The following ADGRB3 variants were observed in gnomAD, a reference collection of about 807,000 sequenced individuals.
ADGRB3 encodes adhesion G protein-coupled receptor B3.
In ADGRB3, 37 loss-of-function variants were observed where a neutral mutation model predicts 193.4. The ratio of observed to expected loss-of-function variants is 0.19; its 90% CI spans 0.15 to 0.25. The LOEUF (loss-of-function observed/expected upper bound fraction) is 0.25. ADGRB3 is among the 10% of genes least tolerant of loss of function. The pLI, the probability that ADGRB3 is intolerant of heterozygous loss-of-function variation, is 1.00. For missense variants in ADGRB3, 1,637 were observed against 1,852.9 expected (o/e 0.88, Z 2.14); for synonymous variants, 690 against 644.2 (o/e 1.07, Z -1.08).
At chr6:69,167,015 A>AACATTTTGT (rs1775146146) in intron 17 of ADGRB3, among the ~76,000 whole-genome samples, 1 of 152,180 alleles carries the variant, frequency 6.6e-6, no homozygotes, top group Non-Finnish European at 1.5e-5. Context: ...TTCCTTTAAG[A>AACATTTTGT]ACATTTTGTA....
At chr6:69,243,328 G>A (rs986716864) in intron 20 of ADGRB3, among the ~76,000 whole-genome samples, 2 of 151,930 alleles carry the variant, frequency 1.3e-5, no homozygotes, top group African/African-American at 4.8e-5. Context: ...GAGGGCCTAG[G>A]TCTTTGACCT....
intron 17 of ADGRB3, among the ~76,000 whole-genome samples, chr6:69,227,401 G>C (rs1766042529): frequency 6.6e-6 from 1 of 152,122 alleles, no homozygotes; most frequent in South Asian, 2.1e-4. Context: ...GTTTTCAAAG[G>C]AGTGACATGA....
intron 17 of ADGRB3, among the ~76,000 whole-genome samples, chr6:69,091,095 T>C (rs1401729536): frequency 1.3e-5 from 2 of 152,136 alleles, no homozygotes; most frequent in Non-Finnish European, 2.9e-5. Context: ...TGAGACACCA[T>C]CTAACATCAG....
chr6:68,975,003 G>T, intron 9 of ADGRB3, 139 bp downstream of exon 9: 5 of 767,468 alleles, frequency 6.5e-6, no homozygotes, highest in Admixed American at 5.8e-5. Context: ...AACAATTTTA[G>T]TAAAGTGCTT....
intron 17 of ADGRB3, among the ~76,000 whole-genome samples, chr6:69,161,010 T>A (rs919466538): frequency 7.9e-5 from 12 of 152,112 alleles, no homozygotes; most frequent in African/African-American, 2.7e-4. Flanking sequence ...GTTACTAGTA[T>A]GGTAACTGAT....
intron 20 of ADGRB3, among the ~76,000 whole-genome samples, chr6:69,250,856 A>T (rs1766603923): frequency 6.6e-6 from 1 of 152,210 alleles, no homozygotes; most frequent in East Asian, 1.9e-4. Flanking sequence ...TGTCTGTTTA[A>T]AACCCTTTGG....
intron 8 of ADGRB3, among the ~76,000 whole-genome samples, chr6:68,961,661 A>G (rs1343773077): frequency 6.6e-6 from 1 of 152,196 alleles, no homozygotes; most frequent in African/African-American, 2.4e-5. Context: ...TGTAATCATT[A>G]TTAGAAACCC....
At chr6:69,244,204 C>T (rs1439257269) in intron 20 of ADGRB3, among the ~76,000 whole-genome samples, 3 of 151,944 alleles carry the variant, frequency 2.0e-5, no homozygotes, top group Admixed American at 6.6e-5. Flanking sequence ...TTTTAAAAGT[C>T]CCGTTCTCTA....
At position 68,853,431 on chromosome 6, in the gene ADGRB3, C is replaced by T. The variant is rs555477964; in HGVS notation, c.758-77128C>T. Among the ~76,000 whole-genome samples the T allele has an allele frequency of 1.4e-4, 22 of 151,992 alleles. 2 individuals carry two copies. The highest frequency in any genetic ancestry group is 2.7e-4 in the Non-Finnish European group (18 of 67,884). On this transcript the variant is annotated intron_variant, in intron 3 of 31. Coordinates refer to ENST00000370598, the MANE Select transcript of ADGRB3 (RefSeq NM_001704.3). ...CAAACCATTTAATAATGCTTTTCAT[C>T]CTGTAGTGATTCTTAGCTGTCTAGG...
At chr6:68,701,063 T>C (rs1197916652) in intron 3 of ADGRB3, among the ~76,000 whole-genome samples, 1 of 152,198 alleles carries the variant, frequency 6.6e-6, no homozygotes, top group Non-Finnish European at 1.5e-5. Context: ...TTAAGTATCC[T>C]AATGAATATC....
chr6:68,697,946 T>G (rs1050934735), intron 3 of ADGRB3, among the ~76,000 whole-genome samples: 1 of 151,520 alleles, frequency 6.6e-6, no homozygotes, highest in Non-Finnish European at 1.5e-5. Context: ...ATAATATCTT[T>G]TATTTGGTTT....
chr6:69,347,210 G>C (rs1310025517), intron 26 of ADGRB3, among the ~76,000 whole-genome samples: 3 of 152,142 alleles, frequency 2.0e-5, no homozygotes, highest in Admixed American at 6.5e-5. Context: ...CCTGTCGGGA[G>C]GTGGGGGCCT....
At chr6:68,768,933 A>G (rs113827577) in intron 3 of ADGRB3, among the ~76,000 whole-genome samples, 2,460 of 152,276 alleles carry the variant, frequency 0.016, 62 homozygotes, top group African/African-American at 0.054. Context: ...AAACATACGA[A>G]AAAAAAGCTC....
chr6:69,364,343 G>T (rs1250114585), intron 29 of ADGRB3, among the ~76,000 whole-genome samples: 1 of 151,990 alleles, frequency 6.6e-6, no homozygotes, highest in African/African-American at 2.4e-5. Context: ...AGTGCAGAGG[G>T]TGAGTGGGTG....
intron 17 of ADGRB3, among the ~76,000 whole-genome samples, chr6:69,225,865 T>C (rs1442536916): frequency 2.6e-5 from 4 of 152,214 alleles, no homozygotes; most frequent in Non-Finnish European, 4.4e-5. Context: ...TGTTAGCTAT[T>C]TTCACTAGTG....
At chr6:69,375,387 G>T (rs1769794380) in intron 30 of ADGRB3, among the ~76,000 whole-genome samples, 1 of 152,016 alleles carries the variant, frequency 6.6e-6, no homozygotes. Flanking sequence ...GGTAGGAAGA[G>T]AAAGCAAAGA....
At chr6:69,126,232 C>CACATACATACATACAT (rs780448849) in intron 17 of ADGRB3, among the ~76,000 whole-genome samples, 5 of 138,482 alleles carry the variant, frequency 3.6e-5, no homozygotes, top group East Asian at 4.2e-4. Context: ...AATAGATACA[C>CACATACATACATACAT]ACATACATAC....
chr6:69,029,274 T>G, intron 13 of ADGRB3, among the ~76,000 whole-genome samples: 1 of 152,174 alleles, frequency 6.6e-6, no homozygotes, highest in East Asian at 1.9e-4. Flanking sequence ...ATCCACTTTA[T>G]TTGAAAATTT....
chr6:68,697,920 C>A (rs1168431236), intron 3 of ADGRB3, among the ~76,000 whole-genome samples: 2 of 151,446 alleles, frequency 1.3e-5, no homozygotes, highest in Non-Finnish European at 3.0e-5. Context: ...ATTTCTTCAT[C>A]TGTAAAATTG....
Sources: allele counts gnomAD v4.1 joint callset (sites outside exome capture counted in the v4.1 genomes callset), GRCh38; gene constraint gnomAD v4.1.1; transcripts MANE v1.5; gene names NCBI Gene and HGNC (gene_info 2026-07-23, HGNC 2026-07-21).